The following ZNF398 variants were observed in gnomAD, a reference collection of about 807,000 sequenced individuals.
The protein encoded by ZNF398 is zinc finger DNA binding protein ZER6.
Under a neutral mutation model 41.9 loss-of-function variants are expected in ZNF398, and 18 were observed. The observed-to-expected ratio is 0.43, with a 90% CI of 0.30 to 0.64. ZNF398 has a LOEUF of 0.64. Among genes scored for constraint, ZNF398 ranks in the 30% least tolerant of loss-of-function variants. The pLI is 0.14. For synonymous variants in ZNF398, 260 were observed against 308.8 expected (o/e 0.84, Z 1.66); for missense variants, 669 against 822.8 (o/e 0.81, Z 2.29).
At chr7:149,145,714 C>T (rs1826923581), upstream of ZNF398, among the ~76,000 whole-genome samples, 1 of 152,116 alleles carries the variant, frequency 6.6e-6, no homozygotes, top group Non-Finnish European at 1.5e-5. Flanking sequence ...CTCCATTACC[C>T]TTACAAACTC....
At chr7:149,161,015 G>A (rs1795096274) in intron 2 of ZNF398, among the ~76,000 whole-genome samples, 1 of 152,036 alleles carries the variant, frequency 6.6e-6, no homozygotes, top group South Asian at 2.1e-4. Context: ...TTTCCCCAAC[G>A]CTGCCCTCTT....
At position 149,148,465 on chromosome 7, in the gene ZNF398, C is replaced by G. The variant is rs753654043; in HGVS notation, c.24+699C>G. The stretch of plus-strand genomic sequence containing the variant: ...CAGGCCGCGGGGAAAGCACTGATCG[C>G]ATTTGCCACCCAAGAGGTCTTTGGT... On this transcript the variant is annotated intron_variant, in intron 1 of 5. Transcript: ENST00000475153. 1.5e-5 allele frequency: 15 copies of G among 985,412 alleles called. No homozygotes were observed. The South Asian group carries it at 2.8e-4, about 19-fold the overall frequency. The allele number at this position is 985,412 out of a possible 1,614,324, so 61.0% of individuals were successfully genotyped here. A position where few individuals can be genotyped will look rare whatever the true frequency, so the allele number is the denominator to read the frequency against.
chr7:149,174,173 A>G (rs1382330653), intron 4 of ZNF398, among the ~76,000 whole-genome samples: 1 of 152,180 alleles, frequency 6.6e-6, no homozygotes, highest in African/African-American at 2.4e-5. Flanking sequence ...CAGCTGCATC[A>G]GCCTGTAACA....
chr7:149,166,667 G>A (rs1795231402), intron 3 of ZNF398, 150 bp from the exon 4 acceptor site: 1 of 597,998 alleles, frequency 1.7e-6, no homozygotes, highest in Non-Finnish European at 3.0e-6. Context: ...ATCCACAGCT[G>A]AAGATGGATA....
intron 5 of ZNF398, 23 bp downstream of exon 5, chr7:149,176,604 G>C (rs776666429): frequency 6.7e-7 from 1 of 1,500,514 alleles, no homozygotes. Flanking sequence ...TTAAAGAGGT[G>C]TTCATGTCCA....
At chr7:149,136,368 G>C (rs1035128284) in intron 2 of ZNF398, among the ~76,000 whole-genome samples, 1 of 152,070 alleles carries the variant, frequency 6.6e-6, no homozygotes, top group Non-Finnish European at 1.5e-5. Flanking sequence ...GCCAGGCAGA[G>C]GTGCGCCTCA....
intron 2 of ZNF398, among the ~76,000 whole-genome samples, chr7:149,141,781 G>C (rs1826832306): frequency 6.6e-6 from 1 of 151,570 alleles, no homozygotes; most frequent in African/African-American, 2.4e-5. Context: ...TAGAGATGGG[G>C]TTTCACCATG....
chr7:149,176,385 A>G, intron 4 of ZNF398, 83 bp from the exon 5 acceptor site: 1 of 937,844 alleles, frequency 1.1e-6, no homozygotes, highest in South Asian at 1.3e-5. Flanking sequence ...GGGGCAAAAT[A>G]TAGTGTTCAG....
upstream of ZNF398, among the ~76,000 whole-genome samples, chr7:149,146,595 T>G (rs1826948063): frequency 6.6e-6 from 1 of 151,500 alleles, no homozygotes; most frequent in Non-Finnish European, 1.5e-5. Context: ...ACGCTTGTAA[T>G]CCTAGCACTT....
intron 4 of ZNF398, among the ~76,000 whole-genome samples, chr7:149,173,845 G>A (rs1247421772): frequency 7.0e-6 from 1 of 142,148 alleles, no homozygotes; most frequent in Non-Finnish European, 1.5e-5. Flanking sequence ...CCAGGCAGGA[G>A]TGCAATGGCG....
At chr7:149,135,826 G>A (rs141453261) in intron 2 of ZNF398, among the ~76,000 whole-genome samples, 74 of 152,140 alleles carry the variant, frequency 4.9e-4, no homozygotes, top group African/African-American at 1.7e-3. Context: ...GCATGGTGGT[G>A]CGCGCCTGTA....
chr7:149,160,411 G>C (rs1023528553), intron 2 of ZNF398, among the ~76,000 whole-genome samples: 1 of 152,008 alleles, frequency 6.6e-6, no homozygotes, highest in Non-Finnish European at 1.5e-5. Context: ...CTAGGAAGTG[G>C]GATTCTCTTC....
intron 2 of ZNF398, among the ~76,000 whole-genome samples, chr7:149,161,008 C>T (rs1420193121): frequency 6.6e-6 from 1 of 152,072 alleles, no homozygotes; most frequent in Non-Finnish European, 1.5e-5. Context: ...GGTGGGCTTT[C>T]CCCAACGCTG....
In ZNF398 at chr7:149,147,833, G is replaced by A; in HGVS notation, c.24+67G>A. 7.6e-7 allele frequency: 1 copy of A among 1,315,758 alleles called. No homozygotes were observed. The highest frequency in any genetic ancestry group is 9.7e-7 in the Non-Finnish European group (1 of 1,028,104). The allele number at this position is 1,315,758 out of a possible 1,614,324, so 81.5% of individuals were successfully genotyped here. A position where few individuals can be genotyped will look rare whatever the true frequency, so the allele number is the denominator to read the frequency against. On this transcript the variant is annotated intron_variant, in intron 1 of 5. Coordinates refer to ENST00000475153, the MANE Select transcript of ZNF398 (RefSeq NM_170686.3). The surrounding 1 kb of genome is among the most constrained non-coding windows in gnomAD (Gnocchi z 5.6). ...CAGACCCCGAGGGAGGAAGGCGGGC[G>A]GGCAGGGAGCTGCCAGGCATAGGCG...
At chr7:149,170,552 G>A (rs574533250) in intron 4 of ZNF398, among the ~76,000 whole-genome samples, 112 of 152,166 alleles carry the variant, frequency 7.4e-4, no homozygotes, top group African/African-American at 2.5e-3. Flanking sequence ...TGGCTGACAC[G>A]GTGAAACCCT....
chr7:149,164,771 G>A (rs1795192067), intron 2 of ZNF398, among the ~76,000 whole-genome samples: 1 of 152,296 alleles, frequency 6.6e-6, no homozygotes, highest in Middle Eastern at 3.4e-3. Flanking sequence ...CATGATGTCT[G>A]CAAGCAATGT....
At chr7:149,174,353 C>T (rs1795419344) in intron 4 of ZNF398, among the ~76,000 whole-genome samples, 1 of 151,906 alleles carries the variant, frequency 6.6e-6, no homozygotes, top group South Asian at 2.1e-4. Flanking sequence ...CCACAGCCAA[C>T]TAATTTTTGT....
intron 1 of ZNF398, among the ~76,000 whole-genome samples, chr7:149,151,868 C>G (rs191888192): frequency 7.5e-4 from 114 of 151,100 alleles, no homozygotes; most frequent in African/African-American, 2.6e-3. Flanking sequence ...CTCACTGTAA[C>G]CTCTGCCTCC....
chr7:149,173,418 A>G (rs901039165), intron 4 of ZNF398, among the ~76,000 whole-genome samples: 6 of 151,486 alleles, frequency 4.0e-5, no homozygotes, highest in Admixed American at 6.6e-5. Context: ...AAATATGTTT[A>G]TTTATTTTTT....
Sources: gnomAD v4.1 joint callset for allele counts (sites outside exome capture counted in the v4.1 genomes callset) on GRCh38, gnomAD v4.1.1 for gene constraint, Gnocchi (gnomAD v3.1) non-coding constraint, MANE v1.5 for transcripts, NCBI Gene and HGNC (gene_info 2026-07-23, HGNC 2026-07-21) for gene names.